Variants in RGS4 observed in about 807,000 individuals in gnomAD.
RGS4 encodes the protein schizophrenia disorder 9.
In RGS4, 15 loss-of-function variants were observed where a neutral mutation model predicts 21.6. That is an observed-to-expected ratio of 0.69 (90% CI 0.46 to 1.07). The LOEUF is 1.07. Ranked by LOEUF, RGS4 falls within the 50% of genes least tolerant of loss-of-function variation. The probability of loss-of-function intolerance (pLI) is 0.00; values close to 1 mark genes in which losing one functional copy is unlikely to be tolerated. For synonymous variants in RGS4, 94 were observed against 85.5 expected (o/e 1.10, Z -0.55); for missense variants, 237 against 239.0 (o/e 0.99, Z 0.06).
intron 1 of RGS4, among the ~76,000 whole-genome samples, chr1:163,070,924 A>G (rs1655279369): frequency 6.6e-6 from 1 of 152,134 alleles, no homozygotes; most frequent in Non-Finnish European, 1.5e-5. Context: ...TCAAGGTCAC[A>G]TAGGTGGTGG....
intron 3 of RGS4, 61 bp from the exon 4 acceptor site, chr1:163,073,395 T>C (rs977650363): frequency 3.0e-6 from 4 of 1,340,954 alleles, no homozygotes; most frequent in East Asian, 2.4e-5. Flanking sequence ...TTATGTGAAA[T>C]AGCATATCCA....
upstream of RGS4, chr1:163,069,038 C>G (rs746291994): frequency 6.4e-7 from 1 of 1,567,392 alleles, no homozygotes; most frequent in Non-Finnish European, 8.6e-7. Flanking sequence ...CAGGAAGCAA[C>G]TTCCTTGATA....
intron 4 of RGS4, 24 bp from the exon 5 acceptor site, chr1:163,074,297 G>A: frequency 1.2e-6 from 2 of 1,612,986 alleles, no homozygotes; most frequent in Non-Finnish European, 1.7e-6. Context: ...TAGGTCTAAT[G>A]AAGCCTTGGC....
chr1:163,073,793 A>C (rs1655407642), intron 4 of RGS4, 171 bp downstream of exon 4: 1 of 536,540 alleles, frequency 1.9e-6, no homozygotes, highest in Middle Eastern at 4.9e-4. Context: ...TCTTCTAGCT[A>C]TCTTAAAATA....
chr1:163,069,785 A>C (rs17493943), intron 1 of RGS4, among the ~76,000 whole-genome samples: 4,696 of 152,228 alleles, frequency 0.031, 100 homozygotes, highest in Middle Eastern at 0.065. Context: ...GGTCTAAGAA[A>C]GCTAGTTTTA....
intron 2 of RGS4, 82 bp from the exon 3 acceptor site, chr1:163,072,723 C>T: frequency 1.6e-6 from 2 of 1,227,854 alleles, no homozygotes; most frequent in Non-Finnish European, 2.4e-6. Flanking sequence ...AAATCTTTGC[C>T]TTCATTCAGG....
intron 3 of RGS4, among the ~76,000 whole-genome samples, 192 bp downstream of exon 3, chr1:163,073,058 T>C (rs1208269309): frequency 6.6e-6 from 1 of 152,146 alleles, no homozygotes; most frequent in Non-Finnish European, 1.5e-5. Flanking sequence ...GAAAAGTTTA[T>C]GCAGGAACCA....
chr1:163,073,831 C>A (rs1403221328), intron 4 of RGS4: 9 of 488,048 alleles, frequency 1.8e-5, no homozygotes, highest in Non-Finnish European at 2.9e-5. Context: ...AACTATATCA[C>A]CCTAATGTGC....
At chr1:163,072,192 A>G (rs538526068) in intron 1 of RGS4, 1 of 1,038,352 alleles carries the variant, frequency 9.6e-7, no homozygotes. Flanking sequence ...AAATGGTGTT[A>G]TGACTGCCTC....
At chr1:163,072,614 T>C (rs1655356878) in intron 2 of RGS4, 115 bp downstream of exon 2, 1 of 890,480 alleles carries the variant, frequency 1.1e-6, no homozygotes, top group East Asian at 2.6e-5. Context: ...CAAGATAGCC[T>C]CCATTTTCAT....
chr1:163,072,385 T>C lies in RGS4; in HGVS notation c.45-10T>C, dbSNP rs1235171690. 1.3e-6 allele frequency: 2 copies of C among 1,598,398 alleles called. No individual in the cohort carries two copies. The highest frequency in any genetic ancestry group is 1.7e-6 in the Non-Finnish European group (2 of 1,166,686). On this transcript the variant is annotated splice_polypyrimidine_tract_variant and intron_variant, in intron 1 of 4. Coordinates refer to ENST00000367909, the MANE Select transcript of RGS4 (RefSeq NM_005613.6). ...ATTACTATTTATTCATTTTTTTCTC[T>C]TCTGTGCAGTGCAAAAGATATGAAA... is the stretch of plus-strand genomic sequence containing the variant.
chr1:163,073,496 T>C lies in RGS4; in HGVS notation c.252T>C (p.Tyr84=), dbSNP rs1655391528. Residue 84 remains tyrosine (Y), a synonymous_variant, in exon 4 of 5, where the codon TAT becomes TAC. Transcript: ENST00000367909. The part of the protein sequence containing the change: ...AAFKAFLKSE[Y]SEENIDFWIS... ...TCAAAGCTTTCTTGAAGTCTGAATA[T>C]AGTGAGGAGAATATTGACTTCTGGA... The C allele has an allele frequency of 1.9e-6, 3 of 1,603,406 alleles. No homozygotes were observed. The highest frequency in any genetic ancestry group is 2.7e-5 in the African/African-American group (2 of 74,408).
chr1:163,071,723 C>CTAGAAAGAAGCCCCAAGA (rs1655308010), intron 1 of RGS4, among the ~76,000 whole-genome samples: 1 of 151,962 alleles, frequency 6.6e-6, no homozygotes, highest in Non-Finnish European at 1.5e-5. Flanking sequence ...CAGATATTGT[C>CTAGAAAGAAGCCCCAAGA]TAGAAAGAAG....
At chr1:163,069,845 C>T (rs1467675322) in intron 1 of RGS4, among the ~76,000 whole-genome samples, 3 of 152,084 alleles carry the variant, frequency 2.0e-5, no homozygotes, top group Non-Finnish European at 4.4e-5. Flanking sequence ...TCTGTAATAT[C>T]TCCATCTGTG....
At chr1:163,074,035 T>C (rs2102344984) in intron 4 of RGS4, 1 of 454,974 alleles carries the variant, frequency 2.2e-6, no homozygotes, top group East Asian at 3.7e-5. Context: ...AAATCTCTTT[T>C]ATCCATGTGG....
rs548972447 is a variant in RGS4 at position 163,072,794 on chromosome 1, A to T, written c.150-11A>T. The T allele has an allele frequency of 6.2e-7, 1 of 1,610,610 alleles. No individual in the cohort carries two copies. Among genetic ancestry groups the T allele is most frequent in the East Asian group, 2.2e-5 (1 of 44,724 alleles). ...CATTCCAATTATTCTGTTTCTCTCT[A>T]TTTTTTCTAGAGTGAGCCAAGAGGA... On this transcript the variant is annotated splice_polypyrimidine_tract_variant and intron_variant, in intron 2 of 4. Coordinates refer to ENST00000367909, the MANE Select transcript of RGS4 (RefSeq NM_005613.6).
chr1:163,071,454 CT>C (rs1655296781), intron 1 of RGS4, among the ~76,000 whole-genome samples: 1 of 151,952 alleles, frequency 6.6e-6, no homozygotes. Context: ...TATTTCTTGA[CT>C]TTTTTAATAA....
upstream of RGS4, chr1:163,069,048 A>ATT (rs914434222): frequency 2.5e-6 from 3 of 1,203,694 alleles, no homozygotes; most frequent in African/African-American, 1.5e-5. Context: ...CTTCCTTGAT[A>ATT]TTTTTTTTTT....
At chr1:163,072,893 G>A in intron 3 of RGS4, 27 bp downstream of exon 3, 1 of 1,593,228 alleles carries the variant, frequency 6.3e-7, no homozygotes, top group Non-Finnish European at 8.6e-7. Context: ...CCTGGGATGA[G>A]GTACTCTGGA....
Sources: gnomAD v4.1 joint callset for allele counts (sites outside exome capture counted in the v4.1 genomes callset) on GRCh38, gnomAD v4.1.1 for gene constraint, MANE v1.5 for transcripts, NCBI Gene and HGNC (gene_info 2026-07-23, HGNC 2026-07-21) for gene names.